The following DYSF variants were observed in gnomAD, a reference collection of about 807,000 sequenced individuals.
DYSF encodes dystrophy-associated fer-1-like 1.
DYSF carries 212 observed loss-of-function variants against 274.9 expected under a neutral mutation model. That is an observed-to-expected ratio of 0.77 (90% CI 0.69 to 0.86). DYSF has a LOEUF of 0.86. Among genes scored for constraint, DYSF ranks in the 40% least tolerant of loss-of-function variants. DYSF has a pLI of 0.00. For synonymous variants in DYSF, 1,091 were observed against 1,078.7 expected (o/e 1.01, Z -0.22); for missense variants, 2,666 against 2,783.2 (o/e 0.96, Z 0.95).
chr2:71,472,044 T>A (rs374650946), intron 1 of DYSF, among the ~76,000 whole-genome samples: 372 of 152,354 alleles, frequency 2.4e-3, no homozygotes, highest in African/African-American at 8.5e-3. Context: ...AACACCTTTA[T>A]AAATATCTGC....
rs1181593620 is a variant in DYSF, at chr2:71,611,234, G to A, written c.3958-11G>A. On this transcript the variant is annotated splice_polypyrimidine_tract_variant and intron_variant, in intron 36 of 55. Coordinates refer to ENST00000410020, the MANE Select transcript of DYSF (RefSeq NM_001130987.2). ...CACCTTTGTCTCCATTCTACCTGCT[G>A]TCCACTGCAGTCTGAGGACACAGAC... The A allele has an allele frequency of 6.3e-7, 1 of 1,597,554 alleles. No individual in the cohort carries two copies. Among genetic ancestry groups the A allele is most frequent in the Non-Finnish European group, 8.6e-7 (1 of 1,165,000 alleles).
intron 42 of DYSF, among the ~76,000 whole-genome samples, chr2:71,650,860 GGTTATA>G (rs1404210459): frequency 1.3e-5 from 2 of 152,096 alleles, no homozygotes; most frequent in African/African-American, 4.8e-5. Flanking sequence ...AGAACTTACT[GGTTATA>G]GTTAAAGCAG....
chr2:71,653,183 G>T (rs951931780), intron 42 of DYSF, among the ~76,000 whole-genome samples: 1 of 152,172 alleles, frequency 6.6e-6, no homozygotes, highest in African/African-American at 2.4e-5. Flanking sequence ...AGAATGTGGA[G>T]AAATAGGAAC....
chr2:71,489,530 C>A (rs2083641118), intron 3 of DYSF, among the ~76,000 whole-genome samples: 1 of 152,220 alleles, frequency 6.6e-6, no homozygotes, highest in South Asian at 2.1e-4. Context: ...TGGGCGGAGG[C>A]AAGGGTGGCC....
At chr2:71,565,246 C>CTTTTTTTTTTT (rs796705736) in intron 24 of DYSF, among the ~76,000 whole-genome samples, 8 of 131,332 alleles carry the variant, frequency 6.1e-5, no homozygotes, top group Non-Finnish European at 1.3e-4. Context: ...CCACCCAGCT[C>CTTTTTTTTTTT]TTTTTTTTTT....
intron 30 of DYSF, among the ~76,000 whole-genome samples, chr2:71,583,704 G>A (rs2092971438): frequency 6.6e-6 from 1 of 152,212 alleles, no homozygotes; most frequent in Admixed American, 6.5e-5. Context: ...CCGTGGTGCA[G>A]AAGGAATCTC....
chr2:71,569,857 G>C lies in DYSF; in HGVS notation c.2902G>C (p.Val968Leu). Residue 968 changes from valine (V) to leucine (L), a missense_variant, in exon 27 of 56, where the codon GTG becomes CTG. Val to Leu is a conservative substitution (Grantham distance 32). Transcript: ENST00000410020. ...HDMDAGHLSFVEEVFENQTRL... is the reference protein window; with the variant it reads ...HDMDAGHLSFLEEVFENQTRL... ...CATGGACGCCGGTCACCTGAGCTTCGTGGAAGAGGTGTTTGAGAACCAGAC... is the reference window on the plus strand; with the variant it reads ...CATGGACGCCGGTCACCTGAGCTTCCTGGAAGAGGTGTTTGAGAACCAGAC... 1 of 1,614,114 alleles carries C rather than the reference G, an allele frequency of 6.2e-7. No homozygotes were observed. Among genetic ancestry groups the C allele is most frequent in the Non-Finnish European group, 8.5e-7 (1 of 1,180,030 alleles).
intron 32 of DYSF, among the ~76,000 whole-genome samples, chr2:71,594,695 C>G (rs774795872): frequency 6.6e-6 from 1 of 152,184 alleles, no homozygotes; most frequent in Non-Finnish European, 1.5e-5. Context: ...TGCCTAAAGT[C>G]TTTGGTGTGT....
At chr2:71,484,846 G>A (rs1017284458) in intron 3 of DYSF, among the ~76,000 whole-genome samples, 9 of 152,194 alleles carry the variant, frequency 5.9e-5, no homozygotes, top group Admixed American at 2.0e-4. Context: ...AGGGCCACAC[G>A]CAGGCTGTTC....
intron 42 of DYSF, among the ~76,000 whole-genome samples, chr2:71,650,608 A>G (rs1156928078): frequency 6.6e-6 from 1 of 152,228 alleles, no homozygotes; most frequent in African/African-American, 2.4e-5. Context: ...TTTTACTACA[A>G]TTGACCATGT....
intron 39 of DYSF, 134 bp downstream of exon 39, chr2:71,612,940 G>T: frequency 8.3e-7 from 1 of 1,210,322 alleles, no homozygotes; most frequent in Non-Finnish European, 1.1e-6. Flanking sequence ...TGCTCTGCTA[G>T]ACCACAGGGT....
chr2:71,686,340 C>G, intron 55 of DYSF, 114 bp from the exon 56 acceptor site: 1 of 1,356,172 alleles, frequency 7.4e-7, no homozygotes, highest in Non-Finnish European at 1.1e-6. Flanking sequence ...CTCCCAGCCT[C>G]TTGCCTGTTG....
At chr2:71,590,338 G>A (rs2093224920) in intron 32 of DYSF, 50 bp downstream of exon 32, 2 of 1,602,534 alleles carry the variant, frequency 1.2e-6, no homozygotes, top group Non-Finnish European at 1.7e-6. Flanking sequence ...TGAGATCTGG[G>A]AATGGAGACA....
At chr2:71,460,941 A>G (rs1022871103) in intron 1 of DYSF, among the ~76,000 whole-genome samples, 1 of 62,958 alleles carries the variant, frequency 1.6e-5, no homozygotes, top group Non-Finnish European at 3.0e-5. Context: ...TAGACAGGAA[A>G]AAAAAAAAAA....
At chr2:71,546,139 C>G (rs1018097962) in intron 17 of DYSF, among the ~76,000 whole-genome samples, 5 of 152,268 alleles carry the variant, frequency 3.3e-5, no homozygotes, top group Non-Finnish European at 7.3e-5. Context: ...GGGCCTCTCT[C>G]CGGCCTTGAG....
At chr2:71,673,516 G>C (rs988135948) in intron 51 of DYSF, among the ~76,000 whole-genome samples, 1 of 152,164 alleles carries the variant, frequency 6.6e-6, no homozygotes, top group Non-Finnish European at 1.5e-5. Context: ...GGAGAGGGAG[G>C]AGCTGGGGTC....
At chr2:71,680,146 G>A (rs2095278636) in intron 53 of DYSF, among the ~76,000 whole-genome samples, 1 of 152,166 alleles carries the variant, frequency 6.6e-6, no homozygotes, top group Non-Finnish European at 1.5e-5. Context: ...ATAAAAGTTA[G>A]GTGAATGTGG....
intron 32 of DYSF, among the ~76,000 whole-genome samples, chr2:71,594,160 C>T (rs1484192430): frequency 6.6e-6 from 1 of 152,164 alleles, no homozygotes; most frequent in Non-Finnish European, 1.5e-5. Context: ...GCCTTAGTTT[C>T]CCTCAGATTC....
chr2:71,466,504 G>T (rs926325459), upstream of DYSF, among the ~76,000 whole-genome samples: 1 of 152,164 alleles, frequency 6.6e-6, no homozygotes, highest in Admixed American at 6.5e-5. Flanking sequence ...CTGCGCGCCC[G>T]CGTCAGCGGC....
Sources: allele counts gnomAD v4.1 joint callset (sites outside exome capture counted in the v4.1 genomes callset), GRCh38; gene constraint gnomAD v4.1.1; transcripts MANE v1.5; gene names NCBI Gene and HGNC (gene_info 2026-07-23, HGNC 2026-07-21).